Variants in BMPER observed in about 807,000 individuals in gnomAD.
BMPER encodes BMP-binding endothelial regulator protein.
BMPER carries 45 observed loss-of-function variants against 87.3 expected under a neutral mutation model. The ratio of observed to expected loss-of-function variants is 0.52; its 90% CI spans 0.41 to 0.66. BMPER has a LOEUF of 0.66. BMPER is among the 30% of genes least tolerant of loss of function. The probability of loss-of-function intolerance (pLI) is 0.00; values close to 1 mark genes in which losing one functional copy is unlikely to be tolerated. For missense variants in BMPER, 784 were observed against 867.5 expected, an observed-to-expected ratio of 0.90 and a Z score of 1.21; for synonymous variants, 326 against 316.2, an observed-to-expected ratio of 1.03 and a Z score of -0.33.
At chr7:34,075,438 G>A (rs1339145230) in intron 11 of BMPER, among the ~76,000 whole-genome samples, 1 of 152,056 alleles carries the variant, frequency 6.6e-6, no homozygotes, top group Non-Finnish European at 1.5e-5. Context: ...GTCTGGTTTT[G>A]TACACTTCTG....
At chr7:34,089,731 G>A (rs1287711296) in intron 13 of BMPER, among the ~76,000 whole-genome samples, 5 of 152,240 alleles carry the variant, frequency 3.3e-5, no homozygotes, top group South Asian at 2.1e-4. Context: ...TGATCTGCCT[G>A]CCTCAGCCTC....
At chr7:34,055,018 A>G in intron 8 of BMPER, 145 bp from the exon 9 acceptor site, 1 of 1,197,040 alleles carries the variant, frequency 8.4e-7, no homozygotes. Flanking sequence ...TTTGAAGTGA[A>G]TGAAAGATTT....
intron 13 of BMPER, among the ~76,000 whole-genome samples, chr7:34,102,935 A>G (rs1014745299): frequency 2.0e-5 from 3 of 152,118 alleles, no homozygotes; most frequent in Non-Finnish European, 4.4e-5. Flanking sequence ...GCCCTCTGGG[A>G]TGAGGTGCCC....
intron 3 of BMPER, among the ~76,000 whole-genome samples, chr7:33,944,771 T>C (rs1784845168): frequency 6.6e-6 from 1 of 152,218 alleles, no homozygotes; most frequent in South Asian, 2.1e-4. Flanking sequence ...AGTTTATTTA[T>C]AATTATGTGG....
chr7:33,954,076 G>A (rs1248421960), intron 3 of BMPER, among the ~76,000 whole-genome samples: 2 of 152,122 alleles, frequency 1.3e-5, no homozygotes, highest in Non-Finnish European at 2.9e-5. Context: ...ATTCCACTGG[G>A]CATCTATATT....
chr7:34,077,103 G>T (rs895578150), intron 11 of BMPER, among the ~76,000 whole-genome samples: 2 of 152,172 alleles, frequency 1.3e-5, no homozygotes, highest in African/African-American at 4.8e-5. Flanking sequence ...GGGTCCCAAA[G>T]AACTGCCTTG....
chr7:33,958,370 C>G (rs1462616517), intron 3 of BMPER, among the ~76,000 whole-genome samples: 3 of 152,138 alleles, frequency 2.0e-5, no homozygotes, highest in African/African-American at 7.2e-5. Flanking sequence ...TTTGTTGCTT[C>G]CTAATGTTGA....
chr7:34,119,004 T>TCACACA (rs1790189739), intron 13 of BMPER, among the ~76,000 whole-genome samples: 1 of 43,188 alleles, frequency 2.3e-5, no homozygotes, highest in East Asian at 2.0e-3. Flanking sequence ...ACTGTCTCTC[T>TCACACA]CTCTCTCTCT....
At chr7:34,095,569 A>G (rs768872846) in intron 13 of BMPER, among the ~76,000 whole-genome samples, 3 of 152,192 alleles carry the variant, frequency 2.0e-5, no homozygotes, top group African/African-American at 4.8e-5. Flanking sequence ...TTCATTTTGT[A>G]TGCAAATGAA....
intron 6 of BMPER, among the ~76,000 whole-genome samples, chr7:34,004,831 C>A (rs1786683284): frequency 6.6e-6 from 1 of 152,106 alleles, no homozygotes. Flanking sequence ...TTTCGGATTG[C>A]ACAGAGCCTC....
intron 8 of BMPER, among the ~76,000 whole-genome samples, chr7:34,052,899 A>G (rs181143014): frequency 2.6e-5 from 4 of 152,278 alleles, no homozygotes; most frequent in African/African-American, 9.6e-5. Flanking sequence ...AGAATACTTT[A>G]CCGAAGCTTT....
intron 11 of BMPER, among the ~76,000 whole-genome samples, chr7:34,063,672 C>T (rs539401292): frequency 2.8e-4 from 43 of 152,252 alleles, no homozygotes; most frequent in African/African-American, 9.4e-4. Context: ...TTTAAAAACA[C>T]GTGTACAATC....
In BMPER at chr7:34,085,885, G is replaced by T; in HGVS notation, c.1538G>T (p.Gly513Val). The T allele has an allele frequency of 6.2e-7, 1 of 1,614,162 alleles. No individual in the cohort carries two copies. The highest frequency in any genetic ancestry group is 8.5e-7 in the Non-Finnish European group (1 of 1,180,036). Reference protein sequence around the residue: ...HKRDDLIGGDGNFKFDVDDFA... With the variant: ...HKRDDLIGGDVNFKFDVDDFA... The stretch of plus-strand genomic sequence containing the variant: ...CGTGATGACTTAATTGGTGGAGATG[G>T]AAACTTCAAGTTTGATGTGGATGAC... Residue 513 changes from glycine to valine, a missense_variant, in exon 13 of 15, where the codon GGA becomes GTA. By Grantham distance (109) the Gly-to-Val change is moderately radical (BLOSUM62 -3). Transcript: ENST00000649409.
At chr7:33,941,117 TTATA>T (rs1428019533) in intron 3 of BMPER, among the ~76,000 whole-genome samples, 1 of 138,226 alleles carries the variant, frequency 7.2e-6, no homozygotes, top group Non-Finnish European at 1.5e-5. Context: ...TACATATAAT[TTATA>T]TATTATATAT....
Position 34,055,156 on chromosome 7 carries a change from C to A in BMPER, c.787-7C>A, listed in dbSNP as rs775187113. 1.1e-5 allele frequency: 18 copies of A among 1,614,056 alleles called. No homozygotes were observed. In the South Asian group the frequency reaches 1.9e-4, roughly 17 times the overall value. On this transcript the variant is annotated splice_region_variant and splice_polypyrimidine_tract_variant and intron_variant, in intron 8 of 14. Transcript: ENST00000649409. The stretch of plus-strand genomic sequence containing the variant: ...TTTTAATTTCTATTTTGCCTTTGGG[C>A]CCCCAGGACTCTACTGTGGTTTGCA...
rs557932098 is a variant in BMPER at position 34,106,565 on chromosome 7, C to T, written c.1745+20473C>T. 2.6e-5 allele frequency among the ~76,000 whole-genome samples: 4 copies of T among 152,332 alleles called. No individual in the cohort carries two copies. The East Asian group carries it at 5.8e-4, about 22-fold the overall frequency. On this transcript the variant is annotated intron_variant, in intron 13 of 14. Transcript: ENST00000649409. ...TGAGGACCTCATTCCCCCAAGCCTG[C>T]TCTACAGCCACAGACTCCTAAGCTG...
At chr7:33,995,204 A>G (rs1208938390) in intron 6 of BMPER, among the ~76,000 whole-genome samples, 3 of 152,128 alleles carry the variant, frequency 2.0e-5, no homozygotes, top group Non-Finnish European at 4.4e-5. Flanking sequence ...TTAAAAAACT[A>G]AAAAGACTCT....
intron 6 of BMPER, among the ~76,000 whole-genome samples, chr7:33,999,108 A>C (rs771581399): frequency 2.0e-5 from 3 of 152,268 alleles, no homozygotes; most frequent in Non-Finnish European, 4.4e-5. Context: ...GCTTCGCACC[A>C]TTCTCTTACA....
At chr7:34,132,708 A>G (rs754883774) in intron 13 of BMPER, among the ~76,000 whole-genome samples, 1 of 152,086 alleles carries the variant, frequency 6.6e-6, no homozygotes, top group Non-Finnish European at 1.5e-5. Flanking sequence ...TATACTACCT[A>G]GTTTTGGGGC....
Sources: gnomAD v4.1 joint callset for allele counts (sites outside exome capture counted in the v4.1 genomes callset) on GRCh38, gnomAD v4.1.1 for gene constraint, MANE v1.5 for transcripts, NCBI Gene and HGNC (gene_info 2026-07-23, HGNC 2026-07-21) for gene names.